Variants in PSD3 observed in about 807,000 individuals in gnomAD.
PSD3 encodes the protein PH and SEC7 domain-containing protein 3.
A neutral mutation model predicts 105.5 loss-of-function variants in PSD3; 49 were observed. The observed-to-expected ratio is 0.46, with a 90% CI of 0.37 to 0.59. The LOEUF (loss-of-function observed/expected upper bound fraction) is 0.59. PSD3 is among the 20% of genes least tolerant of loss of function. The pLI, the probability that PSD3 is intolerant of heterozygous loss-of-function variation, is 0.00. For missense variants in PSD3, 1,561 were observed against 1,263.8 expected, an observed-to-expected ratio of 1.24 and a Z score of -3.57; for synonymous variants, 557 against 457.8, an observed-to-expected ratio of 1.22 and a Z score of -2.77.
rs112172247 is a variant in PSD3, at chr8:18,904,215, A to G, written c.131-31482T>C. Among the ~76,000 whole-genome samples, 1,183 of 152,228 alleles carry G rather than the reference A, an allele frequency of 7.8e-3. 15 individuals are homozygous for G. The highest frequency in any genetic ancestry group is 0.027 in the African/African-American group (1,132 of 41,560). On this transcript the variant is annotated intron_variant, in intron 2 of 15. Coordinates refer to ENST00000327040, the MANE Select transcript of PSD3 (RefSeq NM_015310.4). The stretch of plus-strand genomic sequence containing the variant: ...AAGGAGGTGCTAGGCTCTTTTAAAC[A>G]ACTAGGTCTTATATAAACTAACAGA...
intron 14 of PSD3, among the ~76,000 whole-genome samples, chr8:18,562,202 C>T (rs916566681): frequency 2.0e-5 from 3 of 152,144 alleles, no homozygotes; most frequent in South Asian, 2.1e-4. Flanking sequence ...ACAGTGGCTG[C>T]CACCAGTCTT....
At chr8:18,885,223 TG>T in intron 2 of PSD3, among the ~76,000 whole-genome samples, 1 of 152,180 alleles carries the variant, frequency 6.6e-6, no homozygotes, top group East Asian at 1.9e-4. Flanking sequence ...TCCTTTCTGT[TG>T]GGGAATCCAT....
At position 18,572,695 on chromosome 8, in the gene PSD3, T is replaced by C. The variant is rs368900301; in HGVS notation, c.2640-23A>G. 105 of 1,610,156 alleles carry C rather than the reference T, an allele frequency of 6.5e-5. 1 individual carries two copies. The African/African-American group carries it at 7.1e-4, about 11-fold the overall frequency. On this transcript the variant is annotated intron_variant, in intron 13 of 15. Transcript: ENST00000327040. ...CTCCTATGAGAAATAGATATGTTTA[T>C]ATCAGGATATTGCCATGTCTAAGTA... is the stretch of plus-strand genomic sequence containing the variant.
chr8:18,989,148 G>A (rs1825659958), intron 1 of PSD3: 1 of 152,326 alleles, frequency 6.6e-6, no homozygotes, highest in Non-Finnish European at 1.5e-5. Flanking sequence ...AAAAACACAA[G>A]GTAGCGGGGC....
At chr8:18,843,542 G>A (rs1486355912) in intron 4 of PSD3, among the ~76,000 whole-genome samples, 2 of 152,078 alleles carry the variant, frequency 1.3e-5, no homozygotes, top group Admixed American at 1.3e-4. Flanking sequence ...TGTATTCTGG[G>A]TTTATAATGC....
At chr8:18,913,152 A>G (rs561149580) in intron 2 of PSD3, among the ~76,000 whole-genome samples, 3 of 150,398 alleles carry the variant, frequency 2.0e-5, no homozygotes, top group Admixed American at 6.6e-5. Context: ...AATGCATTCA[A>G]TTACCTCCTA....
chr8:18,800,407 C>A (rs1810576080), intron 7 of PSD3, among the ~76,000 whole-genome samples: 1 of 152,150 alleles, frequency 6.6e-6, no homozygotes, highest in African/African-American at 2.4e-5. Context: ...TTGAGGCAAG[C>A]ACCTTGGCCA....
At chr8:18,595,345 T>C (rs777046948) in intron 12 of PSD3, among the ~76,000 whole-genome samples, 3 of 144,966 alleles carry the variant, frequency 2.1e-5, no homozygotes, top group Non-Finnish European at 4.5e-5. Flanking sequence ...AGAAAATAAA[T>C]AGCAAAATAG....
At position 18,871,822 on chromosome 8, in the gene PSD3, C is replaced by A. The variant is rs1356285998; in HGVS notation, c.1042G>T (p.Ala348Ser). 1.2e-6 allele frequency: 2 copies of A among 1,614,098 alleles called. No individual in the cohort carries two copies. Among genetic ancestry groups the A allele is most frequent in the Non-Finnish European group, 1.7e-6 (2 of 1,180,030 alleles). ...SKVPRHLISS[A>S]GLCNSSSLTE... ...AAACTACTTGAATTACACAAACCAG[C>A]TGATGAGATGAGATGGCGTGGCACT... Residue 348 changes from alanine to serine, a missense_variant, in exon 3 of 16, where the codon GCT (alanine) becomes TCT (serine). Transcript: ENST00000327040.
intron 2 of PSD3, among the ~76,000 whole-genome samples, chr8:18,879,719 T>G (rs1457135063): frequency 1.3e-5 from 2 of 152,086 alleles, no homozygotes; most frequent in African/African-American, 4.8e-5. Flanking sequence ...GCCTCTGGAG[T>G]AGCTGGAACC....
intron 4 of PSD3, among the ~76,000 whole-genome samples, chr8:18,858,573 TA>T (rs1425913026): frequency 6.6e-6 from 1 of 152,184 alleles, no homozygotes; most frequent in Non-Finnish European, 1.5e-5. Context: ...TTTTCAAAGT[TA>T]AAGTCAATCC....
chr8:18,878,601 C>A (rs751002482), intron 2 of PSD3, among the ~76,000 whole-genome samples: 2 of 152,172 alleles, frequency 1.3e-5, no homozygotes, highest in African/African-American at 2.4e-5. Context: ...GTTCAACTTC[C>A]TTTCTCTACC....
At chr8:18,912,130 A>G (rs1820262962) in intron 2 of PSD3, among the ~76,000 whole-genome samples, 1 of 152,184 alleles carries the variant, frequency 6.6e-6, no homozygotes, top group Non-Finnish European at 1.5e-5. Context: ...GCCTACCAAA[A>G]TGTCCATCTG....
At chr8:18,656,468 GT>G (rs34300481) in intron 9 of PSD3, among the ~76,000 whole-genome samples, 60,925 of 151,714 alleles carry the variant, frequency 0.4, 12,792 homozygotes, top group African/African-American at 0.51. Flanking sequence ...TCTTAGGATA[GT>G]TTTAGAGTTT....
At chr8:18,601,132 T>C (rs1210075645) in intron 11 of PSD3, among the ~76,000 whole-genome samples, 1 of 152,194 alleles carries the variant, frequency 6.6e-6, no homozygotes, top group African/African-American at 2.4e-5. Context: ...ATACAAATTA[T>C]CCAAAATAAT....
chr8:18,771,543 T>C lies in PSD3; in HGVS notation c.2083-6005A>G, dbSNP rs111546776. Among the ~76,000 whole-genome samples, 705 of 152,350 alleles carry C rather than the reference T, an allele frequency of 4.6e-3. 4 individuals are homozygous for C. Among genetic ancestry groups the C allele is most frequent in the Middle Eastern group, 0.017 (5 of 294 alleles). On this transcript the variant is annotated intron_variant, in intron 8 of 15. Transcript: ENST00000327040. ...GTACGATAGAAAGCAGAGATTCAAC[T>C]TCATTCTTTTACATGTGGATATTCA...
chr8:18,574,958 A>T (rs192001411), intron 13 of PSD3, among the ~76,000 whole-genome samples, 170 bp downstream of exon 13: 12,345 of 150,302 alleles, frequency 0.082, 670 homozygotes, highest in African/African-American at 0.16. Flanking sequence ...CTGGGTTTCT[A>T]TTTTTTTTTA....
intron 1 of PSD3, among the ~76,000 whole-genome samples, chr8:19,082,058 A>G (rs1829661947): frequency 2.0e-5 from 3 of 152,214 alleles, no homozygotes; most frequent in South Asian, 2.1e-4. Flanking sequence ...GCTACATTCT[A>G]AAACATGAAA....
Position 18,672,237 on chromosome 8 carries a change from C to T in PSD3, c.2173-16552G>A, listed in dbSNP as rs537391580. On this transcript the variant is annotated intron_variant, in intron 9 of 15. Transcript: ENST00000327040. ...ATATTTTTTAAGTACCCAAGAAAAA[C>T]GGTCAATTATATTTAATAACTATGG... Among the ~76,000 whole-genome samples the T allele has an allele frequency of 2.4e-4, 37 of 151,812 alleles. No individual in the cohort carries two copies. The South Asian group carries it at 4.4e-3, about 18-fold the overall frequency.
Sources: allele counts gnomAD v4.1 joint callset (sites outside exome capture counted in the v4.1 genomes callset), GRCh38; gene constraint gnomAD v4.1.1; transcripts MANE v1.5; gene names NCBI Gene and HGNC (gene_info 2026-07-23, HGNC 2026-07-21).